NEDD9: variants seen among roughly 807,000 people sequenced by gnomAD.
NEDD9 encodes neural precursor cell expressed, developmentally down-regulated 9.
A neutral mutation model predicts 76.6 loss-of-function variants in NEDD9; 26 were observed. The observed-to-expected ratio is 0.34, with a 90% confidence interval of 0.25 to 0.47. The LOEUF (loss-of-function observed/expected upper bound fraction) is 0.47. NEDD9 is among the 20% of genes least tolerant of loss of function. NEDD9 has a pLI of 1.00. For missense variants in NEDD9, 937 were observed against 1,058.5 expected, an observed-to-expected ratio of 0.89 and a Z score of 1.59; for synonymous variants, 392 against 414.2, an observed-to-expected ratio of 0.95 and a Z score of 0.65.
intron 3 of NEDD9, among the ~76,000 whole-genome samples, chr6:11,269,815 C>CAAAT (rs567608114): frequency 3.4e-5 from 5 of 146,356 alleles, no homozygotes; most frequent in Admixed American, 6.7e-5. Context: ...CATTAAAAAA[C>CAAAT]AAACAAACAA....
At chr6:11,325,539 A>G (rs1761907754) in intron 2 of NEDD9, among the ~76,000 whole-genome samples, 2 of 152,212 alleles carry the variant, frequency 1.3e-5, no homozygotes. Context: ...CAATATAAAG[A>G]TGAATGGTAA....
At chr6:11,355,816 G>A (rs560802834) in intron 1 of NEDD9, among the ~76,000 whole-genome samples, 1,863 of 152,170 alleles carry the variant, frequency 0.012, 38 homozygotes, top group African/African-American at 0.043. Context: ...CGCCTCCTGT[G>A]TTCACACCAT....
chr6:11,325,774 A>G (rs1469935559), intron 2 of NEDD9, among the ~76,000 whole-genome samples: 1 of 152,256 alleles, frequency 6.6e-6, no homozygotes, highest in Non-Finnish European at 1.5e-5. Context: ...TTTTAATGAA[A>G]CAGTAAAGCA....
intron 3 of NEDD9, among the ~76,000 whole-genome samples, chr6:11,274,887 G>C (rs1174253681): frequency 6.6e-6 from 1 of 152,054 alleles, no homozygotes; most frequent in East Asian, 1.9e-4. Context: ...ACACTTCTAG[G>C]TACAAATCTA....
At chr6:11,243,782 G>A (rs920790829) in intron 3 of NEDD9, among the ~76,000 whole-genome samples, 17 of 151,928 alleles carry the variant, frequency 1.1e-4, no homozygotes, top group African/African-American at 3.6e-4. Flanking sequence ...CTCCAATGAC[G>A]TCTACTCTGA....
At position 11,356,924 on chromosome 6, in the gene NEDD9, C is replaced by CT. The variant is rs572361974; in HGVS notation, c.-213-22364dup. Among the ~76,000 whole-genome samples, 18 of 152,242 alleles carry CT rather than the reference C, an allele frequency of 1.2e-4. No homozygotes were observed. The East Asian group carries it at 3.5e-3, about 29-fold the overall frequency. Reference sequence around the variant, plus strand: ...GGAATATTGTCTCATGGGACCTCAGCTGAGGACATGGGTGGGGCAACAGGA... The same window carrying CT: ...GGAATATTGTCTCATGGGACCTCAGCTTGAGGACATGGGTGGGGCAACAGGA... On this transcript the variant is annotated intron_variant, in intron 1 of 3. Transcript: ENST00000397378.
rs1200779292 is a variant in NEDD9 at position 11,218,344 on chromosome 6, A to T, written c.13-4617T>A. On this transcript the variant is annotated intron_variant, in intron 1 of 6. Coordinates refer to ENST00000379446, the MANE Select transcript of NEDD9 (RefSeq NM_006403.4). Reference sequence around the variant, plus strand: ...CCACCCTTCATTCAGGTCTTCAGCAACTTTTTTTTTTTTTTTTTCTGTAGC... The same window carrying T: ...CCACCCTTCATTCAGGTCTTCAGCATCTTTTTTTTTTTTTTTTTCTGTAGC... Among the ~76,000 whole-genome samples the T allele has an allele frequency of 2.5e-5, 3 of 120,952 alleles. No individual in the cohort carries two copies. The East Asian group carries it at 9.7e-4, about 39-fold the overall frequency. The allele number at this position is 120,952 out of a possible 152,430, so 79.3% of individuals were successfully genotyped here.
In NEDD9 at chr6:11,241,495, T is replaced by C. The variant is rs2113290112; in HGVS notation, c.13-27768A>G. ...TTATGGATTGTGTGCCCTAGCTTCC[T>C]AGATGGGCTGGATTTTCTGTTTCCA... On this transcript the variant is annotated intron_variant, in intron 3 of 3. Transcript: ENST00000397378. The surrounding 1 kb of genome is among the most constrained non-coding windows in gnomAD (Gnocchi z 4.0). Among the ~76,000 whole-genome samples, 1 of 152,326 alleles carries C rather than the reference T, an allele frequency of 6.6e-6. No individual in the cohort carries two copies. The highest frequency in any genetic ancestry group is 2.1e-4 in the South Asian group (1 of 4,824).
intron 3 of NEDD9, among the ~76,000 whole-genome samples, chr6:11,242,622 G>A (rs1759731199): frequency 6.7e-6 from 1 of 150,250 alleles, no homozygotes; most frequent in Non-Finnish European, 1.5e-5. Context: ...TTTTTATCCA[G>A]ACAGCTCTGT....
chr6:11,322,550 G>A (rs1277598962), intron 2 of NEDD9, among the ~76,000 whole-genome samples: 3 of 152,144 alleles, frequency 2.0e-5, no homozygotes, highest in Admixed American at 6.5e-5. Flanking sequence ...GAGGAAGGAG[G>A]AAACCAGCTC....
At chr6:11,302,375 T>G (rs1761071214) in intron 3 of NEDD9, among the ~76,000 whole-genome samples, 1 of 152,124 alleles carries the variant, frequency 6.6e-6, no homozygotes, top group Admixed American at 6.5e-5. Context: ...CAATAATTAA[T>G]AGCCTACCAA....
rs1757926070 is a variant in NEDD9 at position 11,184,428 on chromosome 6, C to T, written c.*734G>A. On this transcript the variant is annotated 3_prime_UTR_variant, in exon 7 of 7. Transcript: ENST00000379446. Reference sequence around the variant, plus strand: ...ACAGCCCCAGGGAGGCAATTGCTCTCCTTTTATTGTAGCTGTCTCTCAGTA... The same window carrying T: ...ACAGCCCCAGGGAGGCAATTGCTCTTCTTTTATTGTAGCTGTCTCTCAGTA... The T allele has an allele frequency of 6.6e-6, 1 of 152,196 alleles. No individual in the cohort carries two copies. Among genetic ancestry groups the T allele is most frequent in the Non-Finnish European group, 1.5e-5 (1 of 68,056 alleles). The allele number at this position is 152,196 out of a possible 1,614,324, so 9.4% of individuals were successfully genotyped here. A position where few individuals can be genotyped will look rare whatever the true frequency, so the allele number is the denominator to read the frequency against.
At chr6:11,331,587 G>A (rs565257069) in intron 2 of NEDD9, among the ~76,000 whole-genome samples, 1 of 152,196 alleles carries the variant, frequency 6.6e-6, no homozygotes, top group South Asian at 2.1e-4. Flanking sequence ...ATTATTGACT[G>A]GAGGAAACTG....
At chr6:11,210,321 C>A (rs944364764) in intron 2 of NEDD9, among the ~76,000 whole-genome samples, 1 of 152,172 alleles carries the variant, frequency 6.6e-6, no homozygotes, top group Non-Finnish European at 1.5e-5. Context: ...CATTTTTAAA[C>A]CCCACCCCGG....
At chr6:11,263,508 C>T (rs986719800) in intron 3 of NEDD9, among the ~76,000 whole-genome samples, 1 of 152,234 alleles carries the variant, frequency 6.6e-6, no homozygotes, top group African/African-American at 2.4e-5. Flanking sequence ...AGTGTTTAAT[C>T]TGTCTGGCGC....
intron 2 of NEDD9, among the ~76,000 whole-genome samples, chr6:11,315,555 A>G (rs893037480): frequency 6.6e-6 from 1 of 152,238 alleles, no homozygotes; most frequent in Admixed American, 6.5e-5. Context: ...TGCATTGGAC[A>G]TACTTGAATT....
At chr6:11,344,697 C>T (rs146824709) in intron 1 of NEDD9, among the ~76,000 whole-genome samples, 9 of 152,326 alleles carry the variant, frequency 5.9e-5, no homozygotes, top group East Asian at 3.9e-4. Context: ...TGTTAGCCAG[C>T]ACTGCGCCTC....
At chr6:11,236,484 G>A (rs1759603862), upstream of NEDD9, among the ~76,000 whole-genome samples, 1 of 152,208 alleles carries the variant, frequency 6.6e-6, no homozygotes, top group Non-Finnish European at 1.5e-5. This position sits in a 1 kb window ranked among gnomAD's most constrained non-coding sequence, Gnocchi z 5.5. Context: ...ATGAACCCAC[G>A]TGACTGCTCT....
intron 1 of NEDD9, among the ~76,000 whole-genome samples, chr6:11,371,840 TA>T (rs35002429): frequency 6.6e-6 from 1 of 152,162 alleles, no homozygotes; most frequent in Non-Finnish European, 1.5e-5. Flanking sequence ...TTTTTCTTTT[TA>T]AAAAAATTCA....
Sources: allele counts gnomAD v4.1 joint callset (sites outside exome capture counted in the v4.1 genomes callset), GRCh38; gene constraint gnomAD v4.1.1; non-coding constraint Gnocchi (gnomAD v3.1); transcripts MANE v1.5; gene names NCBI Gene and HGNC (gene_info 2026-07-23, HGNC 2026-07-21).